The following PRKD2 variants were observed in gnomAD, a reference collection of about 807,000 sequenced individuals.
PRKD2 encodes protein kinase D2.
PRKD2 carries 22 observed loss-of-function variants against 86.0 expected under a neutral mutation model. The observed-to-expected ratio is 0.26, with a 90% CI of 0.18 to 0.37. PRKD2 has a LOEUF of 0.37. PRKD2 is among the 10% of genes least tolerant of loss of function. The pLI, the probability that PRKD2 is intolerant of heterozygous loss-of-function variation, is 1.00. For synonymous variants in PRKD2, 509 were observed against 510.9 expected (o/e 1.00, Z 0.05); for missense variants, 818 against 1,199.2 (o/e 0.68, Z 4.70).
chr19:46,687,261 TG>T (rs2122627525), intron 14 of PRKD2, among the ~76,000 whole-genome samples: 1 of 152,082 alleles, frequency 6.6e-6, no homozygotes, highest in East Asian at 1.9e-4. Flanking sequence ...GTGTGATGGC[TG>T]ATGCCTGTTG....
At chr19:46,697,119 G>A in intron 9 of PRKD2, 38 bp downstream of exon 9, 2 of 1,491,882 alleles carry the variant, frequency 1.3e-6, no homozygotes, top group South Asian at 2.3e-5. Flanking sequence ...TGTGGGCACA[G>A]CGGGAAGTCC....
intron 13 of PRKD2, 38 bp from the exon 14 acceptor site, chr19:46,689,736 C>A: frequency 6.2e-7 from 1 of 1,611,792 alleles, no homozygotes; most frequent in South Asian, 1.1e-5. Context: ...CCAGGTAACC[C>A]ACAAACTCAG....
chr19:46,687,404 A>G (rs2053416622), intron 14 of PRKD2, among the ~76,000 whole-genome samples: 1 of 93,418 alleles, frequency 1.1e-5, no homozygotes, highest in Admixed American at 1.2e-4. Flanking sequence ...AAAAACAAAC[A>G]AAAAGCACAG....
chr19:46,697,221 T>A lies in PRKD2; in HGVS notation c.1253A>T (p.Tyr418Phe), dbSNP rs747857891. The A allele has an allele frequency of 1.3e-6, 2 of 1,592,138 alleles. No individual in the cohort carries two copies. The highest frequency in any genetic ancestry group is 1.7e-6 in the Non-Finnish European group (2 of 1,160,484). ...SNKDTLRKRH[Y>F]WRLDCKCITL... ...GATACACTTGCAGTCCAGGCGCCAATAGTGCCGCTTTCTCTGCAGAGATGT... is the reference window on the plus strand; with the variant it reads ...GATACACTTGCAGTCCAGGCGCCAAAAGTGCCGCTTTCTCTGCAGAGATGT... The change falls in exon 9 of 18, where the codon TAT becomes TTT. Residue 418 changes from tyrosine (Y) to phenylalanine (F), a missense_variant. This residue lies in a region of PRKD2 where 127 missense variants were observed against 157.8 expected (regional missense o/e 0.80). Coordinates refer to ENST00000291281, the MANE Select transcript of PRKD2 (RefSeq NM_016457.5).
Position 46,716,102 on chromosome 19 carries a change from A to T in PRKD2, c.240+29T>A. On this transcript the variant is annotated intron_variant, in intron 1 of 17. Coordinates refer to ENST00000291281, the MANE Select transcript of PRKD2 (RefSeq NM_016457.5). The surrounding 1 kb of genome is among the most constrained non-coding windows in gnomAD (Gnocchi z 7.9). ...CGCCCCCTCCTTCAACCTCTCCCCG[A>T]GCTGGATCCAGGGAGCCTGCGCCCT... 6.2e-7 allele frequency: 1 copy of T among 1,604,284 alleles called. No homozygotes were observed.
intron 9 of PRKD2, among the ~76,000 whole-genome samples, chr19:46,694,740 A>T (rs894588810): frequency 6.6e-6 from 1 of 152,196 alleles, no homozygotes; most frequent in Non-Finnish European, 1.5e-5. Flanking sequence ...GCCAAGCTGT[A>T]TCCCCATCAC....
rs777192919 is a variant in PRKD2 at position 46,674,995 on chromosome 19, C to T, written c.2424+38G>A. ...AGCGATCTACTCCCACCCCTTCCTC[C>T]AATCCAGCCAATGGGCCAGCCCTGC... is the stretch of plus-strand genomic sequence containing the variant. On this transcript the variant is annotated intron_variant, in intron 17 of 17. Transcript: ENST00000291281. The T allele has an allele frequency of 3.2e-6, 5 of 1,545,848 alleles. No homozygotes were observed. In the East Asian group the frequency reaches 1.2e-4, roughly 36 times the overall value.
intron 14 of PRKD2, among the ~76,000 whole-genome samples, chr19:46,686,659 A>G (rs1403011376): frequency 6.6e-6 from 1 of 151,330 alleles, no homozygotes; most frequent in Non-Finnish European, 1.5e-5. Context: ...CTCAAAAAAA[A>G]AAATAAAATA....
Position 46,693,777 on chromosome 19 carries a change from A to C in PRKD2, c.1576+98T>G, listed in dbSNP as rs1568724615. The C allele has an allele frequency of 3.4e-6, 5 of 1,476,058 alleles. No individual in the cohort carries two copies. The highest frequency in any genetic ancestry group is 4.5e-6 in the Non-Finnish European group (5 of 1,108,032). The allele number at this position is 1,476,058 out of a possible 1,614,324, so 91.4% of individuals were successfully genotyped here. On this transcript the variant is annotated intron_variant, in intron 10 of 17. Coordinates refer to ENST00000291281, the MANE Select transcript of PRKD2 (RefSeq NM_016457.5). This position sits in a 1 kb window ranked among gnomAD's most constrained non-coding sequence, Gnocchi z 4.5. The stretch of plus-strand genomic sequence containing the variant: ...GTCCAGAAGCTGCGTTCTCAACCCC[A>C]CCATTGCCCACTTTCCTCTTTGGCC...
At position 46,674,394 on chromosome 19, in the gene PRKD2, T is replaced by TC. The variant is rs892752528; in HGVS notation, c.*128dup. 1 of 1,000,622 alleles carries TC rather than the reference T, an allele frequency of 1.0e-6. No individual in the cohort carries two copies. The highest frequency in any genetic ancestry group is 1.4e-6 in the Non-Finnish European group (1 of 701,676). 62.0% of individuals were successfully genotyped at this position (1,000,622 alleles called of 1,614,324 possible). On this transcript the variant is annotated 3_prime_UTR_variant, in exon 18 of 18. Coordinates refer to ENST00000291281, the MANE Select transcript of PRKD2 (RefSeq NM_016457.5). ...AACAGGGAGGGGCCTTGGAAATAGC[T>TC]CCCCCCACCCCACTCCCCACGTGTC...
At chr19:46,715,790 G>A (rs1225390053) in intron 1 of PRKD2, among the ~76,000 whole-genome samples, 1 of 152,236 alleles carries the variant, frequency 6.6e-6, no homozygotes, top group Non-Finnish European at 1.5e-5. Context: ...GGAGGCCCGG[G>A]ATGGGCCTGG....
intron 7 of PRKD2, 119 bp downstream of exon 7, chr19:46,700,680 A>G (rs920674284): frequency 7.5e-7 from 1 of 1,336,614 alleles, no homozygotes; most frequent in Non-Finnish European, 1.0e-6. Flanking sequence ...GGTTTGCCTC[A>G]GGAACTGGGA....
chr19:46,693,744 C>A lies in PRKD2; in HGVS notation c.1576+131G>T. 7 of 1,329,582 alleles carry A rather than the reference C, an allele frequency of 5.3e-6. No homozygotes were observed. The highest frequency in any genetic ancestry group is 2.3e-5 in the Admixed American group (1 of 43,796). The allele number at this position is 1,329,582 out of a possible 1,614,324, so 82.4% of individuals were successfully genotyped here. On this transcript the variant is annotated intron_variant, in intron 10 of 17. Coordinates refer to ENST00000291281, the MANE Select transcript of PRKD2 (RefSeq NM_016457.5). The surrounding 1 kb of genome is among the most constrained non-coding windows in gnomAD (Gnocchi z 4.5). ...GTGATTAACAGAGTTTGAACCCAGG[C>A]CTGCTGAGTCCAGAAGCTGCGTTCT... is the stretch of plus-strand genomic sequence containing the variant.
intron 5 of PRKD2, 58 bp downstream of exon 5, chr19:46,704,111 G>C (rs2053676042): frequency 1.2e-6 from 2 of 1,604,498 alleles, no homozygotes; most frequent in African/African-American, 1.3e-5. Flanking sequence ...CACAAGACCA[G>C]GTTGGGGCGG....
chr19:46,704,727 A>AC, intron 3 of PRKD2, 78 bp from the exon 4 acceptor site: 1 of 1,504,156 alleles, frequency 6.6e-7, no homozygotes, highest in East Asian at 2.3e-5. Context: ...TGCCCTTTCC[A>AC]CCCAATCTCT....
chr19:46,708,980 T>TG (rs1568736073), intron 3 of PRKD2, among the ~76,000 whole-genome samples: 8 of 100,916 alleles, frequency 7.9e-5, no homozygotes, highest in South Asian at 4.0e-4. Flanking sequence ...TGGTTTTTTT[T>TG]TTTTTTTTTT....
intron 14 of PRKD2, among the ~76,000 whole-genome samples, chr19:46,689,247 G>A (rs953292496): frequency 2.7e-5 from 4 of 149,986 alleles, no homozygotes; most frequent in Non-Finnish European, 5.9e-5. Context: ...TCAGCCTCCC[G>A]AGTAGCTGGG....
rs1164500301 is a variant in PRKD2 at position 46,710,773 on chromosome 19, T to C, written c.511+134A>G. 31 of 1,024,062 alleles carry C rather than the reference T, an allele frequency of 3.0e-5. No homozygotes were observed. In the East Asian group the frequency reaches 6.9e-4, roughly 23 times the overall value. 63.4% of individuals were successfully genotyped at this position (1,024,062 alleles called of 1,614,324 possible). A position where few individuals can be genotyped will look rare whatever the true frequency, so the allele number is the denominator to read the frequency against. On this transcript the variant is annotated intron_variant, in intron 3 of 17. Transcript: ENST00000291281. ...TCTGGGCCCATCCTTCTTCCCATTA[T>C]TACTTCCTAGGCTGCGCCCCCAGCT... is the stretch of plus-strand genomic sequence containing the variant.
intron 5 of PRKD2, among the ~76,000 whole-genome samples, chr19:46,702,046 T>TG (rs538825768): frequency 6.1e-4 from 92 of 150,506 alleles, no homozygotes; most frequent in Non-Finnish European, 1.1e-3. Flanking sequence ...TTGTTTTTTT[T>TG]TTTTTTTTTT....
Sources: gnomAD v4.1 joint callset for allele counts (sites outside exome capture counted in the v4.1 genomes callset) on GRCh38, gnomAD v4.1.1 for gene constraint, gnomAD v4.1.1 regional missense constraint, Gnocchi (gnomAD v3.1) non-coding constraint, MANE v1.5 for transcripts, NCBI Gene and HGNC (gene_info 2026-07-23, HGNC 2026-07-21) for gene names.